Variants in PHRF1 observed in about 807,000 individuals in gnomAD.
PHRF1 encodes the protein PHD and RING finger domain-containing protein 1.
PHRF1 carries 53 observed loss-of-function variants against 128.9 expected under a neutral mutation model. The observed-to-expected ratio is 0.41, with a 90% CI of 0.33 to 0.52. The LOEUF is 0.52. Among genes scored for constraint, PHRF1 ranks in the 20% least tolerant of loss-of-function variants. The pLI is 0.21. For missense variants in PHRF1, 2,503 were observed against 2,284.5 expected (o/e 1.10, Z -1.95); for synonymous variants, 1,178 against 980.6 (o/e 1.20, Z -3.76).
chr11:611,411 C>T (rs972938009), intron 17 of PHRF1, among the ~76,000 whole-genome samples: 9 of 152,224 alleles, frequency 5.9e-5, no homozygotes, highest in South Asian at 2.1e-4. Context: ...ATGCTCCCCC[C>T]GCCCACCGAC....
chr11:581,917 G>C, intron 2 of PHRF1, 45 bp from the exon 3 acceptor site: 1 of 1,530,026 alleles, frequency 6.5e-7, no homozygotes, highest in Non-Finnish European at 8.8e-7. Context: ...TCTGCTGCAT[G>C]GTCTTGACGC....
chr11:609,564 G>T lies in PHRF1; in HGVS notation c.4108G>T (p.Asp1370Tyr), dbSNP rs747723305. ...GGATGTGGCGCCTGCGGGGAAGGAA[G>T]ACAGCCCCTCTGCGAGTGGGAGGGT... ...SPDVAPAGKE[D>Y]SPSASGRVQE... The change falls in exon 14 of 18, where the codon GAC becomes TAC. Residue 1370 changes from aspartate (D) to tyrosine (Y), a missense_variant. Asp to Tyr is a radical substitution (Grantham distance 160, BLOSUM62 -3). Coordinates refer to ENST00000264555, the MANE Select transcript of PHRF1 (RefSeq NM_001286581.2). 1.9e-6 allele frequency: 3 copies of T among 1,599,924 alleles called. No homozygotes were observed. In the South Asian group the frequency reaches 3.4e-5, roughly 18 times the overall value.
At chr11:599,253 CTTTTTTTTT>C (rs754658303) in intron 9 of PHRF1, among the ~76,000 whole-genome samples, 1 of 104,980 alleles carries the variant, frequency 9.5e-6, no homozygotes, top group African/African-American at 3.9e-5. Flanking sequence ...TTTTTCTTTT[CTTTTTTTTT>C]TTTTTTTTTT....
chr11:587,565 T>C lies in PHRF1; in HGVS notation c.420+101T>C, dbSNP rs965507969. The C allele has an allele frequency of 1.6e-5, 20 of 1,237,262 alleles. No homozygotes were observed. In the African/African-American group the frequency reaches 2.8e-4, roughly 18 times the overall value. The allele number at this position is 1,237,262 out of a possible 1,614,324, so 76.6% of individuals were successfully genotyped here. A position where few individuals can be genotyped will look rare whatever the true frequency, so the allele number is the denominator to read the frequency against. On this transcript the variant is annotated intron_variant, in intron 4 of 17. Transcript: ENST00000264555. Reference sequence around the variant, plus strand: ...AGCCTCTTGTGAGGTTCTAGTTGTCTGCTCTGCGGCTGACCCTGGGGCCAC... The same window carrying C: ...AGCCTCTTGTGAGGTTCTAGTTGTCCGCTCTGCGGCTGACCCTGGGGCCAC...
chr11:606,626 C>A lies in PHRF1; in HGVS notation c.1609+30C>A, dbSNP rs544464184. ...GTGCCTTCCCTGCCACGGCCCCTTC[C>A]TCTGTGGGCTGCTGGTCCTCAGGCT... On this transcript the variant is annotated intron_variant, in intron 13 of 17. Coordinates refer to ENST00000264555, the MANE Select transcript of PHRF1 (RefSeq NM_001286581.2). 2.1e-4 allele frequency: 333 copies of A among 1,571,800 alleles called. No individual in the cohort carries two copies. The South Asian group carries it at 3.5e-3, about 16-fold the overall frequency.
intron 14 of PHRF1, among the ~76,000 whole-genome samples, chr11:609,948 C>T (rs193006652): frequency 6.6e-6 from 1 of 152,324 alleles, no homozygotes; most frequent in African/African-American, 2.4e-5. Flanking sequence ...CAGGGAGCTT[C>T]TGGAGCCAGG....
In PHRF1 at chr11:607,649, C is replaced by G. The variant is rs143901631; in HGVS notation, c.2193C>G (p.Ser731Arg). ...CAGGGCGAGGCACACGGGCAGAGAGCGAGGCCAGCAGCAGGGTGCCCCGGG... is the reference window on the plus strand; with the variant it reads ...CAGGGCGAGGCACACGGGCAGAGAGGGAGGCCAGCAGCAGGGTGCCCCGGG... ...GQPGRGTRAE[S>R]EASSRVPREP... Residue 731 changes from serine to arginine, a missense_variant, in exon 14 of 18, where the codon AGC (serine) becomes AGG (arginine). Ser to Arg is a moderately radical substitution (Grantham distance 110). Coordinates refer to ENST00000264555, the MANE Select transcript of PHRF1 (RefSeq NM_001286581.2). The G allele has an allele frequency of 6.2e-7, 1 of 1,611,086 alleles. No homozygotes were observed. The highest frequency in any genetic ancestry group is 1.1e-5 in the South Asian group (1 of 90,980).
At chr11:602,434 A>G (rs188116799) in intron 10 of PHRF1, among the ~76,000 whole-genome samples, 27 of 152,220 alleles carry the variant, frequency 1.8e-4, no homozygotes, top group Admixed American at 1.6e-3. Context: ...TGATCCCACC[A>G]CTTTGGGGGG....
intron 12 of PHRF1, 117 bp downstream of exon 12, chr11:605,841 T>C: frequency 7.1e-7 from 1 of 1,408,848 alleles, no homozygotes; most frequent in Non-Finnish European, 9.3e-7. Context: ...CGTCAGCACC[T>C]CCCCTCAGCT....
At chr11:602,560 C>T (rs1387089253) in intron 10 of PHRF1, among the ~76,000 whole-genome samples, 6 of 151,770 alleles carry the variant, frequency 4.0e-5, no homozygotes, top group African/African-American at 1.5e-4. Context: ...CAGGCACCTG[C>T]AGTCCCAGCC....
At chr11:611,584 G>A (rs764785002) in intron 17 of PHRF1, 50 bp from the exon 18 acceptor site, 43 of 1,610,238 alleles carry the variant, frequency 2.7e-5, no homozygotes, top group Middle Eastern at 1.6e-4. Context: ...GCTCTGGCCC[G>A]GAACATCTGG....
chr11:611,100 C>A lies in PHRF1; in HGVS notation c.4806+18C>A. The A allele has an allele frequency of 6.2e-7, 1 of 1,612,146 alleles. No homozygotes were observed. Among genetic ancestry groups the A allele is most frequent in the Admixed American group, 1.7e-5 (1 of 59,770 alleles). On this transcript the variant is annotated intron_variant, in intron 17 of 17. Coordinates refer to ENST00000264555, the MANE Select transcript of PHRF1 (RefSeq NM_001286581.2). ...TGCAGAAGGTGGGCTGTGTGCGAGC[C>A]TGTGTGTGGGGCTCGGGGTCACGGG... is the stretch of plus-strand genomic sequence containing the variant.
At chr11:590,136 G>A (rs1316119933) in intron 4 of PHRF1, among the ~76,000 whole-genome samples, 1 of 150,310 alleles carries the variant, frequency 6.7e-6, no homozygotes, top group African/African-American at 2.4e-5. Flanking sequence ...GGGTTCAGCA[G>A]CAGGGCTCCT....
chr11:605,365 G>C, intron 11 of PHRF1, 65 bp downstream of exon 11: 1 of 1,582,492 alleles, frequency 6.3e-7, no homozygotes. Context: ...GTGGGCACGG[G>C]GCCCCGAGGT....
intron 1 of PHRF1, among the ~76,000 whole-genome samples, chr11:577,283 C>G (rs1044877511): frequency 3.9e-5 from 6 of 152,240 alleles, no homozygotes; most frequent in Non-Finnish European, 7.3e-5. Flanking sequence ...GCGCCAGCCC[C>G]GACTCCTACC....
At position 607,431 on chromosome 11, in the gene PHRF1, C is replaced by T. The variant is rs192557368; in HGVS notation, c.1975C>T (p.Arg659Cys). 1.4e-5 allele frequency: 22 copies of T among 1,612,838 alleles called. No homozygotes were observed. The highest frequency in any genetic ancestry group is 5.5e-5 in the South Asian group (5 of 91,090). ...AAGCAGAGATTCTAAGCCCCCATGT[C>T]GCAGTGTGGTGCCGGGGCCTCCCCT... The part of the protein sequence containing the change: ...ISSRDSKPPC[R>C]SVVPGPPLKP... Residue 659 changes from arginine (R) to cysteine (C), a missense_variant, in exon 14 of 18, where the codon CGC becomes TGC. Physicochemically the swap from Arg to Cys is radical, Grantham distance 180. Transcript: ENST00000264555.
At chr11:580,411 G>T (rs1854136377) in intron 1 of PHRF1, among the ~76,000 whole-genome samples, 1 of 152,226 alleles carries the variant, frequency 6.6e-6, no homozygotes, top group South Asian at 2.1e-4. Flanking sequence ...ACGGGTCAGG[G>T]CCTTGAGCAA....
At chr11:604,244 G>A (rs1372518799) in intron 10 of PHRF1, among the ~76,000 whole-genome samples, 2 of 152,152 alleles carry the variant, frequency 1.3e-5, no homozygotes, top group Non-Finnish European at 2.9e-5. Flanking sequence ...TTTTTGTCCT[G>A]CATGCTGTTT....
At chr11:583,172 C>T (rs893096813) in intron 3 of PHRF1, among the ~76,000 whole-genome samples, 4 of 151,482 alleles carry the variant, frequency 2.6e-5, no homozygotes, top group Non-Finnish European at 5.9e-5. Context: ...AACCCCGTCT[C>T]TACTAAAAAT....
Sources: allele counts gnomAD v4.1 joint callset (sites outside exome capture counted in the v4.1 genomes callset), GRCh38; gene constraint gnomAD v4.1.1; transcripts MANE v1.5; gene names NCBI Gene and HGNC (gene_info 2026-07-23, HGNC 2026-07-21).